Variants in TSHZ2 observed in about 807,000 individuals in gnomAD.
TSHZ2 encodes the protein teashirt homolog 2.
A neutral mutation model predicts 74.4 loss-of-function variants in TSHZ2; 21 were observed. The ratio of observed to expected loss-of-function variants is 0.28; its 90% confidence interval spans 0.20 to 0.41. TSHZ2 has a LOEUF of 0.41. TSHZ2 is among the 10% of genes least tolerant of loss of function. The pLI, the probability that TSHZ2 is intolerant of heterozygous loss-of-function variation, is 1.00. For synonymous variants in TSHZ2, 540 were observed against 515.3 expected, an observed-to-expected ratio of 1.05 and a Z score of -0.65; for missense variants, 1,244 against 1,293.5, an observed-to-expected ratio of 0.96 and a Z score of 0.59.
At chr20:53,416,779 C>T (rs1600622777) in intron 2 of TSHZ2, among the ~76,000 whole-genome samples, 1 of 152,202 alleles carries the variant, frequency 6.6e-6, no homozygotes, top group Non-Finnish European at 1.5e-5. Context: ...GACTTCTTTT[C>T]GTCACATAGA....
chr20:53,010,105 T>C (rs763107126), intron 1 of TSHZ2, among the ~76,000 whole-genome samples: 6 of 152,150 alleles, frequency 3.9e-5, no homozygotes, highest in Non-Finnish European at 8.8e-5. Context: ...ATGTAAATAC[T>C]GAGAACCTAC....
chr20:53,243,123 C>A (rs998598622), intron 1 of TSHZ2, among the ~76,000 whole-genome samples: 1 of 151,840 alleles, frequency 6.6e-6, no homozygotes, highest in African/African-American at 2.4e-5. Flanking sequence ...GGCATTGGAG[C>A]TGAAACTAAA....
intron 1 of TSHZ2, among the ~76,000 whole-genome samples, chr20:53,134,987 CACACAT>C (rs1490485579): frequency 1.6e-5 from 2 of 128,478 alleles, no homozygotes; most frequent in African/African-American, 6.6e-5. Flanking sequence ...CACACACACA[CACACAT>C]ACATGCACAT....
At position 53,050,578 on chromosome 20, in the gene TSHZ2, T is replaced by C. The variant is rs1984424949; in HGVS notation, c.40+77245T>C. Among the ~76,000 whole-genome samples the C allele has an allele frequency of 2.0e-5, 3 of 152,322 alleles. No homozygotes were observed. In the South Asian group the frequency reaches 6.2e-4, roughly 32 times the overall value. Reference sequence around the variant, plus strand: ...GGAGAGACATTCGTAGGGAGCTGTGTAATGTCAGCAGAGACGTGTCATAGG... The same window carrying C: ...GGAGAGACATTCGTAGGGAGCTGTGCAATGTCAGCAGAGACGTGTCATAGG... On this transcript the variant is annotated intron_variant, in intron 1 of 2. Coordinates refer to ENST00000371497, the MANE Select transcript of TSHZ2 (RefSeq NM_173485.6).
At chr20:53,258,658 T>C (rs920927004) in intron 2 of TSHZ2, among the ~76,000 whole-genome samples, 3 of 152,192 alleles carry the variant, frequency 2.0e-5, no homozygotes, top group Admixed American at 6.5e-5. Context: ...GAACCAATAA[T>C]TTGGAAAAAC....
intron 1 of TSHZ2, among the ~76,000 whole-genome samples, chr20:53,224,574 G>A (rs1484255036): frequency 6.6e-6 from 1 of 152,224 alleles, no homozygotes; most frequent in Admixed American, 6.5e-5. Flanking sequence ...ATGAGGCTGG[G>A]TGCGGTGACT....
chr20:53,196,384 A>AG (rs1252885388), intron 1 of TSHZ2: 12 of 150,994 alleles, frequency 7.9e-5, no homozygotes, highest in Non-Finnish European at 1.6e-4. Flanking sequence ...AAAAAAAAAA[A>AG]AAAAAAAATG....
At chr20:53,002,086 A>G (rs752388114) in intron 1 of TSHZ2, among the ~76,000 whole-genome samples, 2 of 152,242 alleles carry the variant, frequency 1.3e-5, no homozygotes, top group Non-Finnish European at 2.9e-5. Context: ...ATTGTAGTAC[A>G]AGTGAGAGCC....
At chr20:53,265,451 T>G (rs990794315) in intron 2 of TSHZ2, among the ~76,000 whole-genome samples, 1 of 152,090 alleles carries the variant, frequency 6.6e-6, no homozygotes, top group African/African-American at 2.4e-5. Context: ...AGGAGGTCTG[T>G]TGGCTGCCAG....
chr20:53,377,612 C>T (rs896061925), intron 2 of TSHZ2, among the ~76,000 whole-genome samples: 2 of 152,176 alleles, frequency 1.3e-5, no homozygotes, highest in East Asian at 1.9e-4. Flanking sequence ...GCAATCCCAA[C>T]GTTCTTGGAG....
At chr20:53,271,799 G>T (rs6123272) in intron 2 of TSHZ2, among the ~76,000 whole-genome samples, 10,703 of 152,276 alleles carry the variant, frequency 0.07, 411 homozygotes, top group East Asian at 0.11. Flanking sequence ...TATGATTGCA[G>T]AGAGCCCAGT....
chr20:53,441,217 ATTTGTTTATTTTAT>A (rs1027316569), intron 2 of TSHZ2, among the ~76,000 whole-genome samples: 1 of 134,734 alleles, frequency 7.4e-6, no homozygotes, highest in African/African-American at 2.6e-5. Flanking sequence ...ACCCTTATTT[ATTTGTTTATTTTAT>A]TTTATTTTAT....
intron 2 of TSHZ2, among the ~76,000 whole-genome samples, chr20:53,341,912 C>T (rs550492297): frequency 6.6e-5 from 10 of 152,226 alleles, no homozygotes; most frequent in Middle Eastern, 6.8e-3. Context: ...GGCTTCACCA[C>T]GTTGACCAGA....
chr20:53,254,379 G>A lies in TSHZ2; in HGVS notation c.921G>A (p.Glu307=), dbSNP rs765161050. 4.9e-5 allele frequency: 79 copies of A among 1,614,068 alleles called. No individual in the cohort carries two copies. Among genetic ancestry groups the A allele is most frequent in the Non-Finnish European group, 6.0e-5 (71 of 1,180,028 alleles). Reference sequence around the variant, plus strand: ...ATTACCAAAAAGTGCCTTTGAAGGAGCCAGTCCCAACCATTTCCTCGAAAA... The same window carrying A: ...ATTACCAAAAAGTGCCTTTGAAGGAACCAGTCCCAACCATTTCCTCGAAAA... ...TKHYQKVPLK[E]PVPTISSKMV... is the part of the protein sequence containing the mutation. Residue 307 remains glutamate (E), a synonymous_variant, in exon 2 of 3, where the codon GAG becomes GAA. Transcript: ENST00000371497.
chr20:53,178,261 G>C (rs1427440771), intron 1 of TSHZ2: 2 of 152,244 alleles, frequency 1.3e-5, no homozygotes, highest in African/African-American at 4.8e-5. Flanking sequence ...CGAGTGCTCA[G>C]ACACTCATCT....
At chr20:53,344,060 G>A (rs1172326760) in intron 2 of TSHZ2, among the ~76,000 whole-genome samples, 2 of 152,156 alleles carry the variant, frequency 1.3e-5, no homozygotes, top group Admixed American at 6.5e-5. Context: ...TTTAAAATGG[G>A]CAATGGTAGC....
chr20:53,135,658 T>C (rs1987228892), intron 1 of TSHZ2, among the ~76,000 whole-genome samples: 1 of 152,148 alleles, frequency 6.6e-6, no homozygotes, highest in African/African-American at 2.4e-5. Context: ...TACAGTACAG[T>C]GGTGCAACCA....
At chr20:53,462,515 GC>G (rs935355856) in intron 2 of TSHZ2, among the ~76,000 whole-genome samples, 1 of 152,126 alleles carries the variant, frequency 6.6e-6, no homozygotes, top group African/African-American at 2.4e-5. Flanking sequence ...CTGCCACCCT[GC>G]CCCAGCCCTG....
intron 2 of TSHZ2, among the ~76,000 whole-genome samples, chr20:53,318,216 G>T (rs909676851): frequency 6.6e-6 from 1 of 152,230 alleles, no homozygotes; most frequent in Non-Finnish European, 1.5e-5. Context: ...TCAGGAGGTA[G>T]AGAGAGAAAA....
Sources: allele counts gnomAD v4.1 joint callset (sites outside exome capture counted in the v4.1 genomes callset), GRCh38; gene constraint gnomAD v4.1.1; transcripts MANE v1.5; gene names NCBI Gene and HGNC (gene_info 2026-07-23, HGNC 2026-07-21).